PCDHA3: variants seen among roughly 807,000 people sequenced by gnomAD.
PCDHA3 encodes protocadherin alpha 3.
A neutral mutation model predicts 62.2 loss-of-function variants in PCDHA3; 41 were observed. That is an observed-to-expected ratio of 0.66 (90% CI 0.51 to 0.86). PCDHA3 has a LOEUF of 0.86. Ranked by LOEUF, PCDHA3 falls within the 40% of genes least tolerant of loss-of-function variation. The probability of loss-of-function intolerance (pLI) is 0.00; values close to 1 mark genes in which losing one functional copy is unlikely to be tolerated. For synonymous variants in PCDHA3, 640 were observed against 555.4 expected (o/e 1.15, Z -2.14); for missense variants, 1,304 against 1,241.2 (o/e 1.05, Z -0.76).
chr5:140,987,636 C>A (rs569411440), intron 3 of PCDHA3, among the ~76,000 whole-genome samples: 1 of 152,256 alleles, frequency 6.6e-6, no homozygotes, highest in African/African-American at 2.4e-5. Context: ...TGAGATAATG[C>A]ACACATATTG....
intron 1 of PCDHA3, among the ~76,000 whole-genome samples, chr5:140,915,396 C>T (rs1554196881): frequency 6.6e-6 from 1 of 152,116 alleles, no homozygotes; most frequent in African/African-American, 2.4e-5. Context: ...CTAGGTATTT[C>T]TTATAGTCTT....
intron 1 of PCDHA3, among the ~76,000 whole-genome samples, chr5:140,832,961 A>G (rs1772233223): frequency 6.6e-6 from 1 of 152,194 alleles, no homozygotes; most frequent in African/African-American, 2.4e-5. Context: ...TATACAGAAA[A>G]TTCCAAATGT....
chr5:140,982,561 C>G lies in PCDHA3; in HGVS notation c.2540C>G (p.Pro847Arg), dbSNP rs560422677. ...QQWPTVSSAT[P>R]EPEAGEVSPP... The stretch of plus-strand genomic sequence containing the variant: ...TGGCCAACAGTATCCAGTGCAACAC[C>G]AGGTAAAGAGCTGGGGTCTCTCCAT... The change falls in exon 3 of 4, where the codon CCA (proline) becomes CGA (arginine). Residue 847 changes from proline (P) to arginine (R), a missense_variant and splice_region_variant. By Grantham distance (103) the Pro-to-Arg change is moderately radical. Coordinates refer to ENST00000522353, the MANE Select transcript of PCDHA3 (RefSeq NM_018906.3). The G allele has an allele frequency of 6.2e-7, 1 of 1,614,060 alleles. No individual in the cohort carries two copies. Among genetic ancestry groups the G allele is most frequent in the African/African-American group, 1.3e-5 (1 of 75,052 alleles).
intron 1 of PCDHA3, chr5:140,870,136 A>G: frequency 6.2e-7 from 1 of 1,614,024 alleles, no homozygotes; most frequent in Non-Finnish European, 8.5e-7. Flanking sequence ...CACCAACGAT[A>G]ACTCTCCTGA....
chr5:140,976,691 C>T (rs1219355793), intron 1 of PCDHA3, among the ~76,000 whole-genome samples: 1 of 152,126 alleles, frequency 6.6e-6, no homozygotes, highest in Non-Finnish European at 1.5e-5. Context: ...AATTTAAGTA[C>T]AATAATGTTG....
chr5:140,979,058 C>A, intron 2 of PCDHA3, 51 bp downstream of exon 2: 3 of 1,606,096 alleles, frequency 1.9e-6, no homozygotes, highest in Non-Finnish European at 2.6e-6. Context: ...CTTGGTATGG[C>A]TCAGATAAAC....
Position 140,801,249 on chromosome 5 carries a change from C to T in PCDHA3, c.52C>T (p.Leu18Phe), listed in dbSNP as rs1762664338. Residue 18 changes from leucine (L) to phenylalanine (F), a missense_variant, in exon 1 of 4, where the codon CTT becomes TTT. Leu to Phe is a conservative substitution (Grantham distance 22). Coordinates refer to ENST00000522353, the MANE Select transcript of PCDHA3 (RefSeq NM_018906.3). ...DPGAQCLLLS[L>F]LLLAASEVGS... ...TGGAGCCCAGTGCCTGCTGCTTTCT[C>T]TTCTGCTCCTCGCAGCCTCGGAGGT... The T allele has an allele frequency of 6.2e-7, 1 of 1,613,718 alleles. No homozygotes were observed. The highest frequency in any genetic ancestry group is 8.5e-7 in the Non-Finnish European group (1 of 1,179,806).
intron 1 of PCDHA3, chr5:140,868,533 C>T (rs1265642890): frequency 6.6e-6 from 1 of 152,534 alleles, no homozygotes; most frequent in African/African-American, 2.4e-5. Context: ...GAAAGTAAAA[C>T]AATTCAAATT....
In PCDHA3 at chr5:140,871,238, T is replaced by C. The variant is rs200192228; in HGVS notation, c.2394+67647T>C. 68 of 1,613,968 alleles carry C rather than the reference T, an allele frequency of 4.2e-5. No homozygotes were observed. The Admixed American group carries it at 6.2e-4, about 15-fold the overall frequency. ...TGCGTGGTGTCCAGCCTCCTGGTACTCACGCTGCTGCTGTATACGGCGCTG... is the reference window on the plus strand; with the variant it reads ...TGCGTGGTGTCCAGCCTCCTGGTACCCACGCTGCTGCTGTATACGGCGCTG... On this transcript the variant is annotated intron_variant, in intron 1 of 3. Transcript: ENST00000522353.
At chr5:140,998,347 T>C (rs2097807005) in intron 3 of PCDHA3, among the ~76,000 whole-genome samples, 1 of 152,202 alleles carries the variant, frequency 6.6e-6, no homozygotes, top group Non-Finnish European at 1.5e-5. Context: ...TCTGAGTCTG[T>C]GCTCTTAACC....
At chr5:140,967,750 C>T (rs782284231) in intron 1 of PCDHA3, 3 of 1,614,072 alleles carry the variant, frequency 1.9e-6, no homozygotes, top group Non-Finnish European at 8.5e-7. Flanking sequence ...ATGAGGAAGC[C>T]TCCTCCTACC....
In PCDHA3 at chr5:140,851,659, C is replaced by T; in HGVS notation, c.2394+48068C>T. The T allele has an allele frequency of 2.2e-6, 2 of 912,906 alleles. 1 individual carries two copies. Among genetic ancestry groups the T allele is most frequent in the Non-Finnish European group, 2.7e-6 (2 of 750,030 alleles). 56.6% of individuals were successfully genotyped at this position (912,906 alleles called of 1,614,324 possible). On this transcript the variant is annotated intron_variant, in intron 1 of 3. Coordinates refer to ENST00000522353, the MANE Select transcript of PCDHA3 (RefSeq NM_018906.3). The stretch of plus-strand genomic sequence containing the variant: ...TTCCTTTCTTCAAGAAGACATTCTC[C>T]TTTTAATTGAAATTTTCTCCATTCA...
Position 141,009,632 on chromosome 5 carries a change from G to A in PCDHA3, c.2548G>A (p.Glu850Lys). 1 of 1,613,032 alleles carries A rather than the reference G, an allele frequency of 6.2e-7. No individual in the cohort carries two copies. Among genetic ancestry groups the A allele is most frequent in the Non-Finnish European group, 8.5e-7 (1 of 1,179,354 alleles). The change falls in exon 4 of 4, where the codon GAG (glutamate) becomes AAG (lysine). Residue 850 changes from glutamate to lysine, a missense_variant. Transcript: ENST00000522353. The stretch of plus-strand genomic sequence containing the variant: ...TGTAATGTTTTGTCTTTCAGAACCA[G>A]AGGCAGGAGAAGTGTCCCCTCCAGT... ...PTVSSATPEP[E>K]AGEVSPPVGA...
At chr5:140,827,861 G>A in intron 1 of PCDHA3, 2 of 599,246 alleles carry the variant, frequency 3.3e-6, no homozygotes, top group Non-Finnish European at 5.8e-6. Flanking sequence ...AAAATATATG[G>A]TATAGCACTG....
chr5:140,854,269 G>C, intron 1 of PCDHA3: 2 of 577,018 alleles, frequency 3.5e-6, no homozygotes, highest in Non-Finnish European at 4.4e-6. Flanking sequence ...TACATTAGTA[G>C]AAATTGAGTT....
chr5:140,842,282 G>A (rs2150333421), intron 1 of PCDHA3: 1 of 1,610,576 alleles, frequency 6.2e-7, no homozygotes, highest in Admixed American at 1.7e-5. Flanking sequence ...AATCCTCATT[G>A]ACGCCACGGA....
At chr5:140,973,833 T>C (rs1332537198) in intron 1 of PCDHA3, among the ~76,000 whole-genome samples, 1 of 152,242 alleles carries the variant, frequency 6.6e-6, no homozygotes, top group Non-Finnish European at 1.5e-5. Context: ...TCTGGGTACT[T>C]GCTTGTTGCC....
At chr5:140,920,505 T>C (rs545028033) in intron 1 of PCDHA3, among the ~76,000 whole-genome samples, 1 of 152,344 alleles carries the variant, frequency 6.6e-6, no homozygotes, top group South Asian at 2.1e-4. Flanking sequence ...TTCTACATAC[T>C]GTTTTATGCA....
At chr5:140,887,241 C>T (rs1215011038) in intron 1 of PCDHA3, among the ~76,000 whole-genome samples, 2 of 151,912 alleles carry the variant, frequency 1.3e-5, no homozygotes, top group African/African-American at 2.4e-5. Flanking sequence ...AGACTACCGG[C>T]GCCCGCCACC....
Sources: allele counts gnomAD v4.1 joint callset (sites outside exome capture counted in the v4.1 genomes callset), GRCh38; gene constraint gnomAD v4.1.1; transcripts MANE v1.5; gene names NCBI Gene and HGNC (gene_info 2026-07-23, HGNC 2026-07-21).